SLC5A10: variants seen among roughly 807,000 people sequenced by gnomAD.
The protein encoded by SLC5A10 is sodium/mannose cotransporter SLC5A10.
Under a neutral mutation model 68.9 loss-of-function variants are expected in SLC5A10, and 55 were observed. That is an observed-to-expected ratio of 0.80 (90% CI 0.64 to 1.00). The LOEUF is 1.00. Ranked by LOEUF, SLC5A10 falls within the 50% of genes least tolerant of loss-of-function variation. The probability of loss-of-function intolerance (pLI) is 0.00; values close to 1 mark genes in which losing one functional copy is unlikely to be tolerated. For missense variants in SLC5A10, 732 were observed against 819.3 expected, an observed-to-expected ratio of 0.89 and a Z score of 1.30; for synonymous variants, 344 against 344.8, an observed-to-expected ratio of 1.00 and a Z score of 0.02.
intron 1 of SLC5A10, among the ~76,000 whole-genome samples, chr17:18,954,841 G>A (rs1477616440): frequency 1.3e-5 from 2 of 152,196 alleles, no homozygotes; most frequent in Non-Finnish European, 1.5e-5. Flanking sequence ...GGGAGGCCTA[G>A]GCGGGTGGAT....
At chr17:19,015,250 C>T (rs1224155535) in intron 11 of SLC5A10, 51 bp downstream of exon 11, 11 of 1,165,222 alleles carry the variant, frequency 9.4e-6, no homozygotes, top group African/African-American at 9.0e-5. Flanking sequence ...CAAGGGTGGG[C>T]GCCCGCACTG....
intron 7 of SLC5A10, chr17:18,970,306 T>C (rs1212981366): frequency 6.5e-6 from 1 of 152,868 alleles, no homozygotes; most frequent in African/African-American, 2.4e-5. Flanking sequence ...ACCCACCGCA[T>C]GAGAGGGATC....
At position 18,959,683 on chromosome 17, in the gene SLC5A10, C is replaced by A. The variant is rs770622842; in HGVS notation, c.348+20C>A. The A allele has an allele frequency of 6.2e-7, 1 of 1,613,532 alleles. No homozygotes were observed. Among genetic ancestry groups the A allele is most frequent in the Non-Finnish European group, 8.5e-7 (1 of 1,179,628 alleles). On this transcript the variant is annotated intron_variant, in intron 4 of 14. Transcript: ENST00000395645. The stretch of plus-strand genomic sequence containing the variant: ...TCAGAGGTGAGTCTACTCATGGGGC[C>A]TCCAGCTGGGGGGCTGGGCCTTGGT...
At chr17:18,979,709 G>T in intron 9 of SLC5A10, 3 of 1,610,696 alleles carry the variant, frequency 1.9e-6, no homozygotes, top group Non-Finnish European at 2.5e-6. Flanking sequence ...TTACACGACT[G>T]CAACCCTGAC....
rs1897496276 is a variant in SLC5A10 at position 18,996,762 on chromosome 17, G to A, written c.983-16648G>A. On this transcript the variant is annotated intron_variant, in intron 9 of 14. Coordinates refer to ENST00000395645, the MANE Select transcript of SLC5A10 (RefSeq NM_001042450.4). This position sits in a 1 kb window ranked among gnomAD's most constrained non-coding sequence, Gnocchi z 4.4. ...GCCACCCTGTCAACTAGTGGCAGAG[G>A]TCTCCTGTTCCTAGGCTTTTCTCCT... Among the ~76,000 whole-genome samples the A allele has an allele frequency of 6.6e-6, 1 of 152,190 alleles. No individual in the cohort carries two copies. Among genetic ancestry groups the A allele is most frequent in the African/African-American group, 2.4e-5 (1 of 41,440 alleles).
chr17:19,008,812 TA>T lies in SLC5A10; in HGVS notation c.983-4597del, dbSNP rs1214817446. On this transcript the variant is annotated intron_variant, in intron 9 of 14. Coordinates refer to ENST00000395645, the MANE Select transcript of SLC5A10 (RefSeq NM_001042450.4). ...CCGTGCCTGGCATTATTATTATTAT[TA>T]TTTTTTTTTTTTTTTTTGAGATAGC... Among the ~76,000 whole-genome samples, 17 of 143,584 alleles carry T rather than the reference TA, an allele frequency of 1.2e-4. No homozygotes were observed. In the East Asian group the frequency reaches 2.4e-3, roughly 20 times the overall value. 94.2% of individuals were successfully genotyped at this position (143,584 alleles called of 152,430 possible).
chr17:18,977,043 G>A (rs770265271), intron 9 of SLC5A10, 54 bp downstream of exon 9: 1 of 1,598,966 alleles, frequency 6.3e-7, no homozygotes, highest in Non-Finnish European at 8.5e-7. Context: ...AGGGTTCTGG[G>A]ACCTTGTCCT....
chr17:18,951,248 G>A (rs991282146), upstream of SLC5A10, among the ~76,000 whole-genome samples: 41 of 152,238 alleles, frequency 2.7e-4, no homozygotes, highest in African/African-American at 8.9e-4. Context: ...GTGAGCGAGC[G>A]TCCCACTCTG....
In SLC5A10 at chr17:19,020,422, C is replaced by A; in HGVS notation, c.1782C>A (p.Tyr594Ter). 6.2e-7 allele frequency: 1 copy of A among 1,613,602 alleles called. No individual in the cohort carries two copies. Among genetic ancestry groups the A allele is most frequent in the Non-Finnish European group, 8.5e-7 (1 of 1,179,958 alleles). ...LMCVNIFFYA[Y>*]FA ...GTGTCAACATATTCTTTTATGCCTA[C>A]TTCGCCTGACACTGCCATCCTGGAC... The change falls in exon 15 of 15, where the codon TAC (tyrosine) becomes TAA (stop). Residue 594 changes from tyrosine to a stop codon, truncating the protein, a stop_gained. Transcript: ENST00000395645. LOFTEE classifies it high-confidence loss of function.
intron 9 of SLC5A10, chr17:18,988,238 C>A (rs773852298): frequency 3.6e-5 from 57 of 1,605,028 alleles, no homozygotes; most frequent in Non-Finnish European, 1.9e-5. Flanking sequence ...AAGTGAGGAG[C>A]CTGCTCACCT....
At chr17:19,012,940 C>T (rs529340873) in intron 9 of SLC5A10, among the ~76,000 whole-genome samples, 1 of 152,300 alleles carries the variant, frequency 6.6e-6, no homozygotes, top group East Asian at 1.9e-4. Flanking sequence ...CTCAAGCCGG[C>T]TGCCCATGGA....
Position 18,952,330 on chromosome 17 carries a change from T to C in SLC5A10, c.111+14T>C, listed in dbSNP as rs1261672390. On this transcript the variant is annotated intron_variant, in intron 1 of 14. Coordinates refer to ENST00000395645, the MANE Select transcript of SLC5A10 (RefSeq NM_001042450.4). The stretch of plus-strand genomic sequence containing the variant: ...GTGGGCATATGGGTAAGGGGACCTG[T>C]GGTGGTGTTGGCCAAGTGGGCTCTC... 2.5e-6 allele frequency: 4 copies of C among 1,605,102 alleles called. No individual in the cohort carries two copies. The highest frequency in any genetic ancestry group is 1.1e-5 in the South Asian group (1 of 89,760).
chr17:19,010,484 G>C (rs1432379568), intron 9 of SLC5A10, among the ~76,000 whole-genome samples: 1 of 152,172 alleles, frequency 6.6e-6, no homozygotes, highest in Admixed American at 6.5e-5. Context: ...AGTCCTGGGG[G>C]ACTGTGTTTC....
At chr17:18,978,720 G>A in intron 9 of SLC5A10, 2 of 1,612,998 alleles carry the variant, frequency 1.2e-6, no homozygotes, top group Non-Finnish European at 1.7e-6. Context: ...TTCTCCATAG[G>A]GATGCCCTTG....
chr17:19,006,278 A>G lies in SLC5A10; in HGVS notation c.983-7132A>G, dbSNP rs367758857. On this transcript the variant is annotated intron_variant, in intron 9 of 14. Transcript: ENST00000395645. ...GGTCTTGCTCTGTCACCTAGGCTGG[A>G]GTGCAGTGGTATGTACAATCATTGC... is the stretch of plus-strand genomic sequence containing the variant. Among the ~76,000 whole-genome samples, 9 of 152,274 alleles carry G rather than the reference A, an allele frequency of 5.9e-5. 1 individual carries two copies. The East Asian group carries it at 1.3e-3, about 23-fold the overall frequency.
intron 9 of SLC5A10, among the ~76,000 whole-genome samples, chr17:18,990,765 G>A (rs894287211): frequency 3.3e-4 from 50 of 151,008 alleles, no homozygotes; most frequent in African/African-American, 1.1e-3. Context: ...TAACAGGCAC[G>A]AGCTTATGCT....
chr17:19,019,657 G>C (rs12603640), intron 12 of SLC5A10, 56 bp from the exon 13 acceptor site: 69,995 of 1,602,002 alleles, frequency 0.044, 4,163 homozygotes, highest in African/African-American at 0.25. Context: ...CTGCCTGTGG[G>C]GGGAGCCTTG....
At chr17:18,959,018 G>A (rs1479930933) in intron 2 of SLC5A10, 117 bp from the exon 3 acceptor site, 12 of 1,005,100 alleles carry the variant, frequency 1.2e-5, no homozygotes, top group African/African-American at 9.7e-5. Context: ...CTCCTCATCC[G>A]TGAGGTGGGG....
In SLC5A10 at chr17:19,011,367, G is replaced by A. The variant is rs572927916; in HGVS notation, c.983-2043G>A. Among the ~76,000 whole-genome samples the A allele has an allele frequency of 2.0e-4, 31 of 152,338 alleles. No individual in the cohort carries two copies. In the South Asian group the frequency reaches 2.1e-3, roughly 10 times the overall value. ...ACTACGTCTGCAAAGGCATGGAGGC[G>A]TCCAAGTGCTGGGTGTGTGTGAGAA... On this transcript the variant is annotated intron_variant, in intron 9 of 14. Transcript: ENST00000395645.
Sources: gnomAD v4.1 joint callset for allele counts (sites outside exome capture counted in the v4.1 genomes callset) on GRCh38, gnomAD v4.1.1 for gene constraint, Gnocchi (gnomAD v3.1) non-coding constraint, MANE v1.5 for transcripts, NCBI Gene and HGNC (gene_info 2026-07-23, HGNC 2026-07-21) for gene names.